The following COIL variants were observed in gnomAD, a reference collection of about 807,000 sequenced individuals.
COIL encodes coilin, also known as coilin p80.
A neutral mutation model predicts 51.6 loss-of-function variants in COIL; 28 were observed. The ratio of observed to expected loss-of-function variants is 0.54; its 90% CI spans 0.40 to 0.74. COIL has a LOEUF of 0.74. Ranked by LOEUF, COIL falls within the 30% of genes least tolerant of loss-of-function variation. COIL has a pLI of 0.00. For synonymous variants in COIL, 233 were observed against 255.8 expected (o/e 0.91, Z 0.85); for missense variants, 667 against 685.9 (o/e 0.97, Z 0.31).
chr17:56,957,443 A>C (rs1371548555), intron 1 of COIL, among the ~76,000 whole-genome samples: 1 of 152,012 alleles, frequency 6.6e-6, no homozygotes, highest in African/African-American at 2.4e-5. Flanking sequence ...AACATGGTGA[A>C]ACCCCATCTC....
chr17:56,949,864 A>G (rs199925327), intron 2 of COIL, 25 bp downstream of exon 2: 2 of 1,610,964 alleles, frequency 1.2e-6, no homozygotes, highest in African/African-American at 1.3e-5. Context: ...AAGGGAGGAG[A>G]TAACTTACAA....
intron 5 of COIL, among the ~76,000 whole-genome samples, 191 bp from the exon 6 acceptor site, chr17:56,942,314 G>A (rs1438602408): frequency 6.6e-6 from 1 of 152,136 alleles, no homozygotes; most frequent in Non-Finnish European, 1.5e-5. Flanking sequence ...CTGGACCAGG[G>A]GGACTTCTCA....
chr17:56,961,032 T>C lies in COIL; in HGVS notation c.-13A>G. 6.2e-7 allele frequency: 1 copy of C among 1,611,124 alleles called. No individual in the cohort carries two copies. Among genetic ancestry groups the C allele is most frequent in the Non-Finnish European group, 8.5e-7 (1 of 1,178,736 alleles). On this transcript the variant is annotated 5_prime_UTR_variant, in exon 1 of 7. Transcript: ENST00000240316. ...CGGAAGCTGCCATCTTGCTTGGTGCTCAACGGAAGCCGAGAGATACCACGG... is the reference window on the plus strand; with the variant it reads ...CGGAAGCTGCCATCTTGCTTGGTGCCCAACGGAAGCCGAGAGATACCACGG...
chr17:56,956,835 T>C (rs1053250975), intron 1 of COIL, among the ~76,000 whole-genome samples: 5 of 151,932 alleles, frequency 3.3e-5, no homozygotes, highest in Admixed American at 6.6e-5. Context: ...GCTCAGGCAA[T>C]CTGCCTGCCT....
intron 1 of COIL, chr17:56,952,460 G>C (rs1287054374): frequency 2.9e-6 from 1 of 339,726 alleles, no homozygotes; most frequent in Non-Finnish European, 5.6e-6. Flanking sequence ...ATTATGCTGG[G>C]AGTATGTGCA....
intron 1 of COIL, among the ~76,000 whole-genome samples, chr17:56,956,402 C>T (rs1358742273): frequency 6.6e-6 from 1 of 151,320 alleles, no homozygotes; most frequent in Non-Finnish European, 1.5e-5. Context: ...CTGAGCCTAG[C>T]TAATTTTTTT....
chr17:56,957,747 C>G (rs1364611408), intron 1 of COIL, among the ~76,000 whole-genome samples: 1 of 152,178 alleles, frequency 6.6e-6, no homozygotes, highest in Non-Finnish European at 1.5e-5. Context: ...TTAAGCCATA[C>G]AGTCTGTGGT....
intron 1 of COIL, 82 bp from the exon 2 acceptor site, chr17:56,951,078 C>G (rs2144399662): frequency 7.8e-7 from 1 of 1,288,176 alleles, no homozygotes; most frequent in Non-Finnish European, 1.0e-6. Context: ...TGAGATGACT[C>G]TACAAAATGT....
At chr17:56,942,567 G>C (rs1403054437) in intron 5 of COIL, among the ~76,000 whole-genome samples, 6 of 152,014 alleles carry the variant, frequency 3.9e-5, no homozygotes, top group Non-Finnish European at 2.9e-5. Context: ...CCAGGCTGTA[G>C]TGTAGTGGCG....
chr17:56,958,641 A>G (rs543101977), intron 1 of COIL, among the ~76,000 whole-genome samples: 1 of 147,020 alleles, frequency 6.8e-6, no homozygotes, highest in South Asian at 2.1e-4. Flanking sequence ...TCATTAAAGT[A>G]TAATTATAGT....
rs776892097 is a variant in COIL, at chr17:56,960,831, C to A, written c.189G>T (p.Gly63=). 6.2e-7 allele frequency: 1 copy of A among 1,602,268 alleles called. No homozygotes were observed. The highest frequency in any genetic ancestry group is 1.1e-5 in the South Asian group (1 of 89,556). The part of the protein sequence containing the change: ...SGAFLGLYLE[G]GLLPPAESAR... ...CGCTCTCGGCGGGGGGCAAGAGCCC[C>A]CCCTCCAGGTAGAGGCCTAGGAAGG... The change falls in exon 1 of 7, where the codon GGG becomes GGT. Residue 63 remains glycine, a synonymous_variant. Transcript: ENST00000240316.
rs575780683 is a variant in COIL at position 56,960,855 on chromosome 17, G to C, written c.165C>G (p.Ala55=). The C allele has an allele frequency of 2.3e-5, 37 of 1,613,146 alleles. No homozygotes were observed. Among genetic ancestry groups the C allele is most frequent in the Non-Finnish European group, 3.1e-5 (36 of 1,179,628 alleles). ...IRQRFGFSSG[A]FLGLYLEGGL... is the part of the protein sequence containing the mutation. ...CCCCCTCCAGGTAGAGGCCTAGGAA[G>C]GCCCCAGAACTGAAGCCGAAGCGCT... is the stretch of plus-strand genomic sequence containing the variant. Residue 55 remains alanine (A), a synonymous_variant, in exon 1 of 7, where the codon GCC becomes GCG. Transcript: ENST00000240316.
intron 1 of COIL, among the ~76,000 whole-genome samples, chr17:56,959,826 G>A (rs1015854259): frequency 2.0e-5 from 3 of 152,248 alleles, no homozygotes; most frequent in African/African-American, 7.2e-5. Context: ...GCTAAATCAA[G>A]GCTGAAAGAA....
chr17:56,939,239 T>C (rs776946701), intron 6 of COIL, 85 bp from the exon 7 acceptor site: 7 of 752,794 alleles, frequency 9.3e-6, no homozygotes, highest in Admixed American at 2.2e-5. Flanking sequence ...TTTCCGTCTG[T>C]GTAGAATGAT....
chr17:56,959,977 A>C (rs1405661639), intron 1 of COIL, among the ~76,000 whole-genome samples: 2 of 152,194 alleles, frequency 1.3e-5, no homozygotes, highest in African/African-American at 2.4e-5. Flanking sequence ...GCACTTTGGG[A>C]AGCCGGGAGG....
chr17:56,953,818 G>T lies in COIL; in HGVS notation c.246-2822C>A, dbSNP rs1004245544. On this transcript the variant is annotated intron_variant, in intron 1 of 6. Coordinates refer to ENST00000240316, the MANE Select transcript of COIL (RefSeq NM_004645.3). ...AAATCAAGATAAAATAAGAGTTACT[G>T]ATATCAGGAGTAGGAGAAAGAGACA... Among the ~76,000 whole-genome samples, 4 of 152,050 alleles carry T rather than the reference G, an allele frequency of 2.6e-5. 1 individual carries two copies. Among genetic ancestry groups the T allele is most frequent in the Admixed American group, 1.3e-4 (2 of 15,270 alleles).
intron 1 of COIL, among the ~76,000 whole-genome samples, chr17:56,957,268 G>C (rs1315814739): frequency 6.7e-6 from 1 of 149,050 alleles, no homozygotes; most frequent in Non-Finnish European, 1.5e-5. Context: ...GAGTCTCTCT[G>C]AATCTACTGT....
At chr17:56,944,600 AG>A (rs1223232433) in intron 5 of COIL, among the ~76,000 whole-genome samples, 1 of 152,062 alleles carries the variant, frequency 6.6e-6, no homozygotes, top group Non-Finnish European at 1.5e-5. Context: ...CAAAAAAAAA[AG>A]AAAGGTAGGA....
chr17:56,945,920 T>C (rs1359966163), intron 5 of COIL, among the ~76,000 whole-genome samples: 2 of 152,208 alleles, frequency 1.3e-5, no homozygotes, highest in Non-Finnish European at 2.9e-5. Context: ...TTCACCATGT[T>C]GGCCAGGATG....
Sources: allele counts gnomAD v4.1 joint callset (sites outside exome capture counted in the v4.1 genomes callset), GRCh38; gene constraint gnomAD v4.1.1; transcripts MANE v1.5; gene names NCBI Gene and HGNC (gene_info 2026-07-23, HGNC 2026-07-21).